ACADSB: variants seen among roughly 807,000 people sequenced by gnomAD.
The protein encoded by ACADSB is short/branched chain specific acyl-CoA dehydrogenase, mitochondrial.
ACADSB carries 40 observed loss-of-function variants against 54.1 expected under a neutral mutation model. The observed-to-expected ratio is 0.74, with a 90% CI of 0.57 to 0.96. The LOEUF is 0.96. Ranked by LOEUF, ACADSB falls within the 40% of genes least tolerant of loss-of-function variation. The pLI is 0.00. For synonymous variants in ACADSB, 182 were observed against 182.8 expected (o/e 1.00, Z 0.03); for missense variants, 530 against 510.4 (o/e 1.04, Z -0.37).
intron 1 of ACADSB, among the ~76,000 whole-genome samples, chr10:123,025,251 G>A (rs1421481294): frequency 6.6e-6 from 1 of 152,094 alleles, no homozygotes; most frequent in African/African-American, 2.4e-5. Context: ...GAATCTAGGA[G>A]TTTGACATCA....
chr10:123,045,304 G>A lies in ACADSB; in HGVS notation c.900+819G>A, dbSNP rs571263038. Among the ~76,000 whole-genome samples the A allele has an allele frequency of 5.0e-3, 723 of 144,354 alleles. 2 individuals are homozygous for A. The highest frequency in any genetic ancestry group is 0.018 in the African/African-American group (685 of 39,084). 94.7% of individuals were successfully genotyped at this position (144,354 alleles called of 152,430 possible). ...TGCCATTCTCCTGCCTCAGCCTCCC[G>A]AGTAGCTGGGACTACAGGCGCCCGC... On this transcript the variant is annotated intron_variant, in intron 7 of 10. Transcript: ENST00000358776.
rs537950461 is a variant in ACADSB, at chr10:123,040,783, G to A, written c.510+111G>A. The A allele has an allele frequency of 7.9e-5, 78 of 992,378 alleles. No homozygotes were observed. In the Middle Eastern group the frequency reaches 8.8e-4, roughly 11 times the overall value. The allele number at this position is 992,378 out of a possible 1,614,324, so 61.5% of individuals were successfully genotyped here. On this transcript the variant is annotated intron_variant, in intron 4 of 10. Transcript: ENST00000358776. Reference sequence around the variant, plus strand: ...ACTTTACTATCCAAGACCACAATGCGGTATCATTAATTCAAGCAATGCTTG... The same window carrying A: ...ACTTTACTATCCAAGACCACAATGCAGTATCATTAATTCAAGCAATGCTTG...
intron 1 of ACADSB, among the ~76,000 whole-genome samples, chr10:123,010,921 G>T (rs141164620): frequency 3.0e-4 from 45 of 152,344 alleles, no homozygotes; most frequent in Admixed American, 8.5e-4. Flanking sequence ...AGATAGAAAT[G>T]ACTAGGACCA....
chr10:123,016,326 TGAAGG>T (rs1751701480), intron 1 of ACADSB, among the ~76,000 whole-genome samples: 1 of 152,128 alleles, frequency 6.6e-6, no homozygotes, highest in Non-Finnish European at 1.5e-5. Flanking sequence ...TATAGACAAA[TGAAGG>T]GAAGTGACAA....
At chr10:123,029,627 T>G (rs976011780) in intron 1 of ACADSB, among the ~76,000 whole-genome samples, 2 of 152,268 alleles carry the variant, frequency 1.3e-5, no homozygotes, top group Non-Finnish European at 2.9e-5. Context: ...TTGATCCACG[T>G]AGCTCCCTAG....
At chr10:123,035,043 G>T (rs1306469266) in intron 2 of ACADSB, among the ~76,000 whole-genome samples, 3 of 151,714 alleles carry the variant, frequency 2.0e-5, no homozygotes, top group African/African-American at 7.3e-5. Context: ...TTTGCCTCCT[G>T]GGTTCAAGCA....
intron 5 of ACADSB, 136 bp downstream of exon 5, chr10:123,041,515 T>C: frequency 1.1e-6 from 1 of 872,542 alleles, no homozygotes; most frequent in Non-Finnish European, 1.8e-6. Flanking sequence ...ATGTCAGACT[T>C]GAGCTGGCAT....
chr10:123,053,022 A>G (rs1484955135), intron 9 of ACADSB, 39 bp from the exon 10 acceptor site: 3 of 1,484,028 alleles, frequency 2.0e-6, no homozygotes, highest in Admixed American at 1.7e-5. Flanking sequence ...TGTATAAGTT[A>G]TGTGGTTTCA....
chr10:123,034,573 T>G, intron 2 of ACADSB, 58 bp downstream of exon 2: 2 of 1,567,146 alleles, frequency 1.3e-6, no homozygotes, highest in Admixed American at 1.7e-5. Flanking sequence ...TGGAGCATAG[T>G]GGTGCAATCA....
chr10:123,044,637 A>G (rs1001099688), intron 7 of ACADSB, 152 bp downstream of exon 7: 1 of 694,950 alleles, frequency 1.4e-6, no homozygotes, highest in Admixed American at 2.2e-5. Context: ...ATTTCTTTCA[A>G]ATTCCCTTTT....
chr10:123,040,808 GATA>G, intron 4 of ACADSB, 136 bp downstream of exon 4: 1 of 854,312 alleles, frequency 1.2e-6, no homozygotes, highest in Non-Finnish European at 1.9e-6. Context: ...AGCAATGCTT[GATA>G]AATTAATGCT....
At chr10:123,016,620 C>T (rs1850112381) in intron 1 of ACADSB, among the ~76,000 whole-genome samples, 1 of 152,120 alleles carries the variant, frequency 6.6e-6, no homozygotes, top group South Asian at 2.1e-4. Flanking sequence ...AAATGCTAGC[C>T]AAAACCATAA....
chr10:123,022,295 G>T (rs1364253664), intron 1 of ACADSB, among the ~76,000 whole-genome samples: 2 of 152,204 alleles, frequency 1.3e-5, no homozygotes, highest in Non-Finnish European at 2.9e-5. Flanking sequence ...ATGTCACACA[G>T]ATATCAAACC....
chr10:123,035,396 T>C (rs930704365), intron 2 of ACADSB, among the ~76,000 whole-genome samples: 1 of 152,256 alleles, frequency 6.6e-6, no homozygotes, highest in Admixed American at 6.5e-5. Context: ...CATTTATTTA[T>C]GGGTATAGAT....
chr10:123,053,126 C>G lies in ACADSB; in HGVS notation c.1194C>G (p.Tyr398Ter), dbSNP rs142095937. 67 of 1,613,494 alleles carry G rather than the reference C, an allele frequency of 4.2e-5. No homozygotes were observed. In the African/African-American group the frequency reaches 8.0e-4, roughly 19 times the overall value. ...GGGGAGTAGGCTACACCAAAGATTA[C>G]CCTGTGGAGAAATACTTCCGAGATG... The part of the protein sequence containing the change: ...WMGGVGYTKD[Y>*]PVEKYFRDAK... The change falls in exon 10 of 11, where the codon TAC becomes TAG. Residue 398 changes from tyrosine (Y) to a stop codon, truncating the protein, a stop_gained. Transcript: ENST00000358776. LOFTEE classifies it high-confidence loss of function.
At chr10:123,035,480 G>A (rs1850385915) in intron 2 of ACADSB, among the ~76,000 whole-genome samples, 1 of 152,192 alleles carries the variant, frequency 6.6e-6, no homozygotes. Flanking sequence ...GAATATGGAT[G>A]TTAAGTGTAT....
At chr10:123,047,391 C>T in intron 8 of ACADSB, 93 bp downstream of exon 8, 1 of 934,556 alleles carries the variant, frequency 1.1e-6, no homozygotes, top group African/African-American at 1.6e-5. Context: ...GGAATCCCTT[C>T]AGGGGGATTT....
chr10:123,030,060 C>T (rs1245792161), intron 1 of ACADSB, among the ~76,000 whole-genome samples: 3 of 152,140 alleles, frequency 2.0e-5, no homozygotes, highest in Non-Finnish European at 4.4e-5. Context: ...GCTCTCATAA[C>T]CTAATCACCT....
chr10:123,023,453 C>T (rs1490351553), intron 1 of ACADSB, among the ~76,000 whole-genome samples: 1 of 152,088 alleles, frequency 6.6e-6, no homozygotes, highest in Non-Finnish European at 1.5e-5. Context: ...AGTAAGTATA[C>T]ATACAAATAA....
Sources: gnomAD v4.1 joint callset for allele counts (sites outside exome capture counted in the v4.1 genomes callset) on GRCh38, gnomAD v4.1.1 for gene constraint, MANE v1.5 for transcripts, NCBI Gene and HGNC (gene_info 2026-07-23, HGNC 2026-07-21) for gene names.